Variants in VPS13B observed in about 807,000 individuals in gnomAD.
VPS13B encodes vacuolar protein sorting 13 homolog B, also known as intermembrane lipid transfer protein VPS13B.
A neutral mutation model predicts 426.4 loss-of-function variants in VPS13B; 285 were observed. The observed-to-expected ratio is 0.67, with a 90% CI of 0.61 to 0.74. VPS13B has a LOEUF of 0.74. Ranked by LOEUF, VPS13B falls within the 30% of genes least tolerant of loss-of-function variation. The pLI, the probability that VPS13B is intolerant of heterozygous loss-of-function variation, is 0.00. For missense variants in VPS13B, 4,537 were observed against 4,782.6 expected, an observed-to-expected ratio of 0.95 and a Z score of 1.51; for synonymous variants, 1,676 against 1,676.4, an observed-to-expected ratio of 1.00 and a Z score of 0.01.
intron 21 of VPS13B, among the ~76,000 whole-genome samples, chr8:99,412,495 A>G (rs1046775744): frequency 6.6e-6 from 1 of 152,326 alleles, no homozygotes; most frequent in Admixed American, 6.5e-5. Flanking sequence ...TTTTCTAAAT[A>G]TACAATCATG....
intron 19 of VPS13B, among the ~76,000 whole-genome samples, chr8:99,287,228 GTCTGTCTATCTATCTATCTATCTA>G (rs1563648118): frequency 9.4e-6 from 1 of 105,850 alleles, no homozygotes; most frequent in Admixed American, 8.9e-5. Flanking sequence ...GTATCTATCT[GTCTGTCTATCTATCTATCTATCTA>G]TCTATCTATC....
chr8:99,123,045 C>T (rs1456815521), intron 8 of VPS13B, among the ~76,000 whole-genome samples: 20 of 147,742 alleles, frequency 1.4e-4, no homozygotes, highest in East Asian at 4.0e-4. Context: ...TGCTTGAACC[C>T]GGGAGGTGGA....
At chr8:99,859,642 T>C (rs564315240) in intron 57 of VPS13B, among the ~76,000 whole-genome samples, 162 bp downstream of exon 57, 42 of 152,260 alleles carry the variant, frequency 2.8e-4, no homozygotes, top group African/African-American at 9.4e-4. Context: ...TCATATATAA[T>C]GTCTTATGTT....
At chr8:99,107,797 T>C (rs1169354215) in intron 5 of VPS13B, among the ~76,000 whole-genome samples, 1 of 152,240 alleles carries the variant, frequency 6.6e-6, no homozygotes, top group Non-Finnish European at 1.5e-5. Flanking sequence ...TTAAATCAAT[T>C]TATTACCATC....
At chr8:99,550,286 A>G (rs2133751007) in intron 30 of VPS13B, among the ~76,000 whole-genome samples, 2 of 152,200 alleles carry the variant, frequency 1.3e-5, no homozygotes, top group East Asian at 3.9e-4. Context: ...AAATAGAGTC[A>G]TTTTCATGTA....
rs1369238432 is a variant in VPS13B at position 99,832,435 on chromosome 8, T to A, written c.9397T>A (p.Ser3133Thr). ...AGGTGGAGAGCAGCCTGCTATGAAA[T>A]CCAGCTCCCTTCCTTGCTGGGACTT... ...CPGGEQPAMKSSSLPCWDLMP... is the reference protein window; with the variant it reads ...CPGGEQPAMKTSSLPCWDLMP... Residue 3133 changes from serine (S) to threonine (T), a missense_variant, in exon 52 of 62, where the codon TCC (serine) becomes ACC (threonine). Ser to Thr is a moderately conservative substitution (Grantham distance 58). This residue lies in a region of VPS13B where 4,311 missense variants were observed against 4,474.3 expected (regional missense o/e 0.96). Coordinates refer to ENST00000357162, the MANE Select transcript of VPS13B (RefSeq NM_152564.5). 2 of 1,488,286 alleles carry A rather than the reference T, an allele frequency of 1.3e-6. No individual in the cohort carries two copies. The highest frequency in any genetic ancestry group is 1.8e-6 in the Non-Finnish European group (2 of 1,103,314). The allele number at this position is 1,488,286 out of a possible 1,614,324, so 92.2% of individuals were successfully genotyped here. A position where few individuals can be genotyped will look rare whatever the true frequency, so the allele number is the denominator to read the frequency against.
intron 17 of VPS13B, chr8:99,233,764 G>A (rs1433528784): frequency 2.6e-6 from 2 of 779,104 alleles, no homozygotes; most frequent in African/African-American, 3.4e-5. Flanking sequence ...TCACATTTCT[G>A]CCTTCTTTTC....
chr8:99,673,349 A>G (rs1830795884), intron 35 of VPS13B, among the ~76,000 whole-genome samples: 1 of 151,976 alleles, frequency 6.6e-6, no homozygotes, highest in Non-Finnish European at 1.5e-5. Flanking sequence ...TTCATTATCT[A>G]TTCTTGGTAC....
chr8:99,243,347 A>G (rs557203424), intron 17 of VPS13B, among the ~76,000 whole-genome samples: 16 of 152,218 alleles, frequency 1.1e-4, no homozygotes, highest in Admixed American at 1.0e-3. Flanking sequence ...GTTTAGTTTA[A>G]TTTTTCTACC....
At chr8:99,848,982 A>G in intron 55 of VPS13B, 88 bp downstream of exon 55, 1 of 1,220,650 alleles carries the variant, frequency 8.2e-7, no homozygotes, top group Non-Finnish European at 1.2e-6. Flanking sequence ...TCATCTCCAC[A>G]TAATGTATTA....
chr8:99,197,614 T>A (rs184996876), intron 17 of VPS13B, among the ~76,000 whole-genome samples: 1 of 152,204 alleles, frequency 6.6e-6, no homozygotes, highest in East Asian at 1.9e-4. Flanking sequence ...TTCTGATGAG[T>A]CTCTATATTT....
chr8:99,443,519 T>A (rs1297469702), intron 23 of VPS13B, among the ~76,000 whole-genome samples: 1 of 152,206 alleles, frequency 6.6e-6, no homozygotes, highest in East Asian at 1.9e-4. Context: ...TGGTCCTTAA[T>A]AACATGAATA....
At chr8:99,709,866 G>A (rs62534607) in intron 36 of VPS13B, among the ~76,000 whole-genome samples, 4,941 of 152,192 alleles carry the variant, frequency 0.032, 107 homozygotes, top group Middle Eastern at 0.068. Context: ...CAAATTTAAT[G>A]GTTTTTGAGA....
At chr8:99,139,583 G>A (rs987621259) in intron 12 of VPS13B, among the ~76,000 whole-genome samples, 4 of 151,594 alleles carry the variant, frequency 2.6e-5, no homozygotes, top group South Asian at 2.1e-4. Flanking sequence ...GACTACAGGC[G>A]CCCGCCACCA....
intron 3 of VPS13B, among the ~76,000 whole-genome samples, chr8:99,069,121 A>G (rs1236091094): frequency 2.6e-5 from 4 of 152,184 alleles, no homozygotes; most frequent in Non-Finnish European, 5.9e-5. Context: ...TAATACCTAC[A>G]TAATTTGAGC....
chr8:99,587,782 T>C (rs1270093421), intron 33 of VPS13B, among the ~76,000 whole-genome samples: 5 of 151,834 alleles, frequency 3.3e-5, no homozygotes, highest in Admixed American at 6.5e-5. Flanking sequence ...GCCTGTTCAC[T>C]CTGATGGTAG....
chr8:99,190,063 A>C (rs1813469426), intron 16 of VPS13B, among the ~76,000 whole-genome samples: 1 of 152,072 alleles, frequency 6.6e-6, no homozygotes, highest in Non-Finnish European at 1.5e-5. Context: ...GGATTTGTCT[A>C]TTCCTGTTTT....
At chr8:99,621,994 G>A (rs988819228) in intron 33 of VPS13B, among the ~76,000 whole-genome samples, 2 of 151,258 alleles carry the variant, frequency 1.3e-5, no homozygotes, top group Non-Finnish European at 2.9e-5. Flanking sequence ...CCACCACGCC[G>A]GGCTTTTTTG....
intron 33 of VPS13B, among the ~76,000 whole-genome samples, chr8:99,620,041 C>G (rs900642900): frequency 6.6e-6 from 1 of 151,814 alleles, no homozygotes; most frequent in Admixed American, 6.6e-5. Context: ...CCTGCTGAGG[C>G]CTGTGCTATC....
Sources: allele counts gnomAD v4.1 joint callset (sites outside exome capture counted in the v4.1 genomes callset), GRCh38; gene constraint gnomAD v4.1.1; regional missense constraint gnomAD v4.1.1; transcripts MANE v1.5; gene names NCBI Gene and HGNC (gene_info 2026-07-23, HGNC 2026-07-21).